The following PLEC variants were observed in gnomAD, a reference collection of about 807,000 sequenced individuals.
PLEC encodes plectin.
PLEC carries 216 observed loss-of-function variants against 392.8 expected under a neutral mutation model. The ratio of observed to expected loss-of-function variants is 0.55; its 90% CI spans 0.49 to 0.62. The LOEUF (loss-of-function observed/expected upper bound fraction) is 0.62, where lower values mean the gene tolerates loss of function less well. Among genes scored for constraint, PLEC ranks in the 20% least tolerant of loss-of-function variants. The probability of loss-of-function intolerance (pLI) is 0.00; values close to 1 mark genes in which losing one functional copy is unlikely to be tolerated. For synonymous variants in PLEC, 3,621 were observed against 2,980.6 expected (o/e 1.21, Z -7.00); for missense variants, 6,863 against 6,563.4 (o/e 1.05, Z -1.58).
At position 143,969,111 on chromosome 8, in the gene PLEC, A is replaced by C. The variant is rs1833275104; in HGVS notation, c.70+4292T>G. ...AGCCAAAAGGTGGAAACAACCCACT[A>C]TCCGTCAACTGATAAACGCATAAGC... On this transcript the variant is annotated intron_variant, in intron 1 of 31. Transcript: ENST00000356346. The surrounding 1 kb of genome is among the most constrained non-coding windows in gnomAD (Gnocchi z 5.1). Among the ~76,000 whole-genome samples, 1 of 152,236 alleles carries C rather than the reference A, an allele frequency of 6.6e-6. No individual in the cohort carries two copies. Among genetic ancestry groups the C allele is most frequent in the Admixed American group, 6.5e-5 (1 of 15,290 alleles).
At position 143,916,062 on chromosome 8, in the gene PLEC, G is replaced by T; in HGVS notation, c.*115C>A. ...TTAATATATTAGTCTGGTCTTTTTG[G>T]TTAAACTTTAGGCACCACTTGGGAG... On this transcript the variant is annotated 3_prime_UTR_variant, in exon 32 of 32. Transcript: ENST00000345136. 1.5e-6 allele frequency: 1 copy of T among 674,246 alleles called. No individual in the cohort carries two copies. The allele number at this position is 674,246 out of a possible 1,614,324, so 41.8% of individuals were successfully genotyped here.
In PLEC at chr8:143,932,510, C is replaced by T. The variant is rs782254718; in HGVS notation, c.1867G>A (p.Ala623Thr). 2 of 1,612,506 alleles carry T rather than the reference C, an allele frequency of 1.2e-6. No homozygotes were observed. Among genetic ancestry groups the T allele is most frequent in the East Asian group, 2.2e-5 (1 of 44,888 alleles). The part of the protein sequence containing the change: ...RSLESLHSFV[A>T]AATKELMWLN... ...CACATTAGCTCCTTAGTGGCGGCTGCCACAAAGCTGTGCAAGCTCTCCAGG... is the reference window on the plus strand; with the variant it reads ...CACATTAGCTCCTTAGTGGCGGCTGTCACAAAGCTGTGCAAGCTCTCCAGG... The change falls in exon 16 of 32, where the codon GCA becomes ACA. Residue 623 changes from alanine to threonine, a missense_variant. By Grantham distance (58) the Ala-to-Thr change is moderately conservative. Transcript: ENST00000345136.
In PLEC at chr8:143,916,024, C is replaced by T. The variant is rs76773857; in HGVS notation, c.*153G>A. On this transcript the variant is annotated 3_prime_UTR_variant, in exon 32 of 32. Coordinates refer to ENST00000345136, the MANE Select transcript of PLEC (RefSeq NM_201384.3). ...TCCCCCAAGATACAGGCTGTCTGGA[C>T]AGCAGATATATATTAATATATTAGT... The T allele has an allele frequency of 7.6e-4, 430 of 565,644 alleles. 6 individuals are homozygous for T. The East Asian group carries it at 0.013, about 18-fold the overall frequency. 35.0% of individuals were successfully genotyped at this position (565,644 alleles called of 1,614,324 possible).
Position 143,962,082 on chromosome 8 carries a change from C to T in PLEC, c.70+11321G>A, listed in dbSNP as rs146540019. On this transcript the variant is annotated intron_variant, in intron 1 of 31. Transcript: ENST00000356346. ...GGCTGGGTAGGTCCAATGGTGGCCA[C>T]AAAAAAATCTATGTCCATGTCCCTG... Among the ~76,000 whole-genome samples, 30 of 152,216 alleles carry T rather than the reference C, an allele frequency of 2.0e-4. No homozygotes were observed. The East Asian group carries it at 4.4e-3, about 23-fold the overall frequency.
At chr8:143,951,267 G>A (rs924301765), upstream of PLEC, among the ~76,000 whole-genome samples, 19 of 152,246 alleles carry the variant, frequency 1.2e-4, no homozygotes, top group Admixed American at 3.9e-4. Context: ...CTGGTGTCCC[G>A]GCTTCACAAG....
chr8:143,925,021 G>A lies in PLEC; in HGVS notation c.4908C>T (p.Leu1636=). 1.9e-6 allele frequency: 3 copies of A among 1,567,482 alleles called. No individual in the cohort carries two copies. Among genetic ancestry groups the A allele is most frequent in the South Asian group, 1.1e-5 (1 of 87,284 alleles). The change falls in exon 31 of 32, where the codon CTC becomes CTT. Residue 1636 remains leucine (L), a synonymous_variant. Transcript: ENST00000345136. ...GCAGCCGTAGCGCCTCGTTGGCCTT[G>A]AGCTGCCAGCGCTCCAGCTCCCGCT... ...EAERELERWQ[L]KANEALRLRL...
At position 143,923,875 on chromosome 8, in the gene PLEC, C is replaced by T; in HGVS notation, c.6054G>A (p.Val2018=). 6.3e-7 allele frequency: 1 copy of T among 1,594,654 alleles called. No homozygotes were observed. Among genetic ancestry groups the T allele is most frequent in the Non-Finnish European group, 8.5e-7 (1 of 1,177,990 alleles). ...GCTCCCGCAGGCGCCGCGCCTCCTC[C>T]ACCTTGGCTTTCAGCCGCTCGACTT... ...LEEVERLKAK[V]EEARRLRERA... is the part of the protein sequence containing the mutation. The change falls in exon 31 of 32, where the codon GTG becomes GTA. Residue 2018 remains valine (V), a synonymous_variant. Coordinates refer to ENST00000345136, the MANE Select transcript of PLEC (RefSeq NM_201384.3).
Position 143,915,947 on chromosome 8 carries a change from G to A in PLEC, c.*230C>T. 2 of 405,654 alleles carry A rather than the reference G, an allele frequency of 4.9e-6. No individual in the cohort carries two copies. Among genetic ancestry groups the A allele is most frequent in the Non-Finnish European group, 8.7e-6 (2 of 228,766 alleles). The allele number at this position is 405,654 out of a possible 1,614,324, so 25.1% of individuals were successfully genotyped here. Reference sequence around the variant, plus strand: ...GGCTGTGTGAGTGGCAGGTAGAAGGGAGTGAGGAGACCCGAGGGGGTGAGG... The same window carrying A: ...GGCTGTGTGAGTGGCAGGTAGAAGGAAGTGAGGAGACCCGAGGGGGTGAGG... On this transcript the variant is annotated 3_prime_UTR_variant, in exon 32 of 32. Coordinates refer to ENST00000345136, the MANE Select transcript of PLEC (RefSeq NM_201384.3).
upstream of PLEC, among the ~76,000 whole-genome samples, chr8:143,939,876 G>A (rs1554727351): frequency 1.3e-5 from 2 of 152,196 alleles, no homozygotes; most frequent in African/African-American, 4.8e-5. Flanking sequence ...AGGAACACAG[G>A]CCGTCCCCAC....
At position 143,917,641 on chromosome 8, in the gene PLEC, C is replaced by T. The variant is rs370144166; in HGVS notation, c.12180G>A (p.Arg4060=). Residue 4060 remains arginine, a synonymous_variant, in exon 32 of 32, where the codon CGG becomes CGA. Coordinates refer to ENST00000345136, the MANE Select transcript of PLEC (RefSeq NM_201384.3). ...GCTTGTAGGCCACCTCCACGGGCAG[C>T]CGGTGGCTCTCCTCAGGGTCGATGA... ...GGIIDPEESH[R]LPVEVAYKRG... 7 of 1,613,564 alleles carry T rather than the reference C, an allele frequency of 4.3e-6. No individual in the cohort carries two copies. The highest frequency in any genetic ancestry group is 1.3e-5 in the African/African-American group (1 of 74,934).
In PLEC at chr8:143,925,521, C is replaced by T. The variant is rs782341251; in HGVS notation, c.4408G>A (p.Gly1470Arg). ...AGTGCCTGCAGCTCCCCCTCAGCCCCGCCACGCTGGCGCTCGGTGGCCTCC... is the reference window on the plus strand; with the variant it reads ...AGTGCCTGCAGCTCCCCCTCAGCCCTGCCACGCTGGCGCTCGGTGGCCTCC... ...QLEATERQRG[G>R]AEGELQALRA... The change falls in exon 31 of 32, where the codon GGG (glycine) becomes AGG (arginine). Residue 1470 changes from glycine (G) to arginine (R), a missense_variant. By Grantham distance (125) the Gly-to-Arg change is moderately radical (BLOSUM62 -2). Transcript: ENST00000345136. 4.3e-5 allele frequency: 68 copies of T among 1,595,478 alleles called. No homozygotes were observed. The East Asian group carries it at 8.0e-4, about 19-fold the overall frequency.
chr8:143,916,373 G>T lies in PLEC; in HGVS notation c.13448C>A (p.Ser4483Tyr). ...GYYSPYSVSG[S>Y]GSTAGSRTGS... The stretch of plus-strand genomic sequence containing the variant: ...GGTGCGGGAGCCAGCGGTAGAGCCG[G>T]AGCCGCTGACGCTGTAGGGGCTGTA... The change falls in exon 32 of 32, where the codon TCC (serine) becomes TAC (tyrosine). Residue 4483 changes from serine (S) to tyrosine (Y), a missense_variant. Physicochemically the swap from Ser to Tyr is moderately radical, Grantham distance 144. Transcript: ENST00000345136. 6.2e-7 allele frequency: 1 copy of T among 1,610,288 alleles called. No individual in the cohort carries two copies. Among genetic ancestry groups the T allele is most frequent in the Non-Finnish European group, 8.5e-7 (1 of 1,178,992 alleles).
chr8:143,964,090 C>T (rs1387514802), intron 1 of PLEC, among the ~76,000 whole-genome samples: 1 of 152,132 alleles, frequency 6.6e-6, no homozygotes, highest in African/African-American at 2.4e-5. Context: ...CAGGCGTGAG[C>T]CACTGTGCCT....
chr8:143,937,282 G>A, intron 3 of PLEC, 40 bp from the exon 4 acceptor site: 1 of 1,518,036 alleles, frequency 6.6e-7, no homozygotes, highest in Non-Finnish European at 9.1e-7. Context: ...TGCAGCTGCA[G>A]CTCCCGGGCC....
rs782669949 is a variant in PLEC, at chr8:143,921,567, C to T, written c.8254G>A (p.Glu2752Lys). The T allele has an allele frequency of 7.4e-6, 12 of 1,612,462 alleles. No homozygotes were observed. The highest frequency in any genetic ancestry group is 5.5e-5 in the South Asian group (5 of 91,014). Residue 2752 changes from glutamate (E) to lysine (K), a missense_variant, in exon 32 of 32, where the codon GAG (glutamate) becomes AAG (lysine). Coordinates refer to ENST00000345136, the MANE Select transcript of PLEC (RefSeq NM_201384.3). ...CCCACCACACCCTCCTTCACAGCCT[C>T]GTTGACGGTCAGCCGCCGGTTCCGC... Reference protein sequence around the residue: ...PVRNRRLTVNEAVKEGVVGPE... With the variant: ...PVRNRRLTVNKAVKEGVVGPE...
rs1829291762 is a variant in PLEC, at chr8:143,937,247, G to A, written c.265-5C>T. ...CATCCTCCCCTTCTCCCGGGGCTGT[G>A]GGGAGGCACAGTCAGCACCCACAGT... On this transcript the variant is annotated splice_region_variant and splice_polypyrimidine_tract_variant and intron_variant, in intron 3 of 31. Coordinates refer to ENST00000345136, the MANE Select transcript of PLEC (RefSeq NM_201384.3). The A allele has an allele frequency of 1.9e-6, 3 of 1,610,814 alleles. No homozygotes were observed. The East Asian group carries it at 6.7e-5, about 36-fold the overall frequency.
At position 143,923,556 on chromosome 8, in the gene PLEC, C is replaced by T. The variant is rs1554693009; in HGVS notation, c.6373G>A (p.Ala2125Thr). ...GCCTGTGCCTGAGCCCGGGCCTGTG[C>T]CTGCTCCTCTGCCGACTGCTTCAGC... ...ERLKQSAEEQ[A>T]QARAQAQAAA... is the part of the protein sequence containing the mutation. The change falls in exon 31 of 32, where the codon GCA (alanine) becomes ACA (threonine). Residue 2125 changes from alanine to threonine, a missense_variant. Transcript: ENST00000345136. The T allele has an allele frequency of 6.3e-7, 1 of 1,598,120 alleles. No homozygotes were observed. Among genetic ancestry groups the T allele is most frequent in the Non-Finnish European group, 8.5e-7 (1 of 1,178,198 alleles).
chr8:143,962,967 T>C (rs1308883764), intron 1 of PLEC, among the ~76,000 whole-genome samples: 1 of 152,196 alleles, frequency 6.6e-6, no homozygotes, highest in African/African-American at 2.4e-5. Context: ...GTTAGGAAAG[T>C]GTGTTCTGCA....
upstream of PLEC, among the ~76,000 whole-genome samples, chr8:143,941,801 C>G (rs547377434): frequency 2.0e-5 from 3 of 152,042 alleles, no homozygotes; most frequent in Non-Finnish European, 4.4e-5. Flanking sequence ...TGGGACGCAC[C>G]CAGAACACCC....
Sources: gnomAD v4.1 joint callset for allele counts (sites outside exome capture counted in the v4.1 genomes callset) on GRCh38, gnomAD v4.1.1 for gene constraint, Gnocchi (gnomAD v3.1) non-coding constraint, MANE v1.5 for transcripts, NCBI Gene and HGNC (gene_info 2026-07-23, HGNC 2026-07-21) for gene names.